The following DNAH2 variants were observed in gnomAD, a reference collection of about 807,000 sequenced individuals.
DNAH2 encodes the protein axonemal beta dynein heavy chain 2.
A neutral mutation model predicts 523.5 loss-of-function variants in DNAH2; 323 were observed. The observed-to-expected ratio is 0.62, with a 90% CI of 0.56 to 0.68. The LOEUF is 0.68. DNAH2 is among the 30% of genes least tolerant of loss of function. The probability of loss-of-function intolerance (pLI) is 0.00; values close to 1 mark genes in which losing one functional copy is unlikely to be tolerated. For synonymous variants in DNAH2, 2,093 were observed against 2,177.4 expected, an observed-to-expected ratio of 0.96 and a Z score of 1.08; for missense variants, 4,907 against 5,701.5, an observed-to-expected ratio of 0.86 and a Z score of 4.49.
rs1304935835 is a variant in DNAH2 at position 7,770,605 on chromosome 17, G to A, written c.4147G>A (p.Val1383Ile). The A allele has an allele frequency of 4.3e-6, 7 of 1,614,140 alleles. No homozygotes were observed. The highest frequency in any genetic ancestry group is 5.9e-6 in the Non-Finnish European group (7 of 1,180,030). ...CTGGGATGTGACTCAGCTCGACATA[G>A]TACCCTACAAGGATAAGGGCCATCA... ...KTWDVTQLDI[V>I]PYKDKGHHRL... Residue 1383 changes from valine (V) to isoleucine (I), a missense_variant, in exon 26 of 86, where the codon GTA becomes ATA. Physicochemically the swap from Val to Ile is conservative, Grantham distance 29. This residue lies in a region of DNAH2 where 2,806 missense variants were observed against 3,190.8 expected (regional missense o/e 0.88). Transcript: ENST00000572933.
Position 7,778,163 on chromosome 17 carries a change from C to T in DNAH2, c.5334C>T (p.Ile1778=), listed in dbSNP as rs757189538. 6 of 1,614,120 alleles carry T rather than the reference C, an allele frequency of 3.7e-6. No individual in the cohort carries two copies. Among genetic ancestry groups the T allele is most frequent in the Non-Finnish European group, 4.2e-6 (5 of 1,180,056 alleles). Residue 1778 remains isoleucine, a synonymous_variant, in exon 34 of 86, where the codon ATC becomes ATT. Transcript: ENST00000572933. ...TGGGTAACTCGGGCCGGCTCGTCATCACCCCCCTGACGGACAGGTCTGCCA... is the reference window on the plus strand; with the variant it reads ...TGGGTAACTCGGGCCGGCTCGTCATTACCCCCCTGACGGACAGGTCTGCCA... ...EYLGNSGRLV[I]TPLTDRCYMT...
At position 7,832,647 on chromosome 17, in the gene DNAH2, G is replaced by GC. The variant is rs2078216095; in HGVS notation, c.12796dup (p.Leu4266ProfsTer53). On this transcript the variant is annotated frameshift_variant, in exon 83 of 86. Transcript: ENST00000572933. LOFTEE classifies it high-confidence loss of function. This position sits in a 1 kb window ranked among gnomAD's most constrained non-coding sequence, Gnocchi z 4.3. ...TGGCCATGCGTGTGGAGCAGTTTGA[G>GC]CTGTGGGCCAGCCGGGCCCGGCCTC... The GC allele has an allele frequency of 6.2e-7, 1 of 1,614,040 alleles. No individual in the cohort carries two copies. Among genetic ancestry groups the GC allele is most frequent in the Non-Finnish European group, 8.5e-7 (1 of 1,180,060 alleles).
At position 7,818,705 on chromosome 17, in the gene DNAH2, G is replaced by C. The variant is rs1423373314; in HGVS notation, c.10599G>C (p.Gln3533His). ...VRKERPELEE[Q>H]KDSLVINIAA... ...AGGAGCGGCCTGAGCTGGAGGAGCA[G>C]AAGGACTCACTGGTCATCAACATCG... The change falls in exon 70 of 86, where the codon CAG (glutamine) becomes CAC (histidine). Residue 3533 changes from glutamine (Q) to histidine (H), a missense_variant. By Grantham distance (24) the Gln-to-His change is conservative. This residue lies in a region of DNAH2 where 1,851 missense variants were observed against 2,139.4 expected (regional missense o/e 0.87). Coordinates refer to ENST00000572933, the MANE Select transcript of DNAH2 (RefSeq NM_020877.5). The C allele has an allele frequency of 6.2e-7, 1 of 1,613,980 alleles. No homozygotes were observed. The highest frequency in any genetic ancestry group is 8.5e-7 in the Non-Finnish European group (1 of 1,180,008).
intron 5 of DNAH2, 102 bp from the exon 6 acceptor site, chr17:7,734,081 G>A (rs1379051066): frequency 9.3e-6 from 9 of 965,482 alleles, no homozygotes; most frequent in Non-Finnish European, 1.5e-6. Flanking sequence ...CTCCTGAAAT[G>A]CATATGCTTC....
intron 12 of DNAH2, 126 bp from the exon 13 acceptor site, chr17:7,756,965 C>G: frequency 7.1e-7 from 1 of 1,402,674 alleles, no homozygotes; most frequent in South Asian, 1.3e-5. Flanking sequence ...GCCACCATAC[C>G]AGGCCTCTGC....
Position 7,779,396 on chromosome 17 carries a change from T to G in DNAH2, c.5695T>G (p.Cys1899Gly). The G allele has an allele frequency of 6.2e-7, 1 of 1,613,926 alleles. No homozygotes were observed. The highest frequency in any genetic ancestry group is 8.5e-7 in the Non-Finnish European group (1 of 1,179,934). ...DGFEINLVWS[C>G]GIFITMNPGY... ...CTTTGAAATAAATCTGGTGTGGTCC[T>G]GTGGGATCTTCATTACCATGAATCC... Residue 1899 changes from cysteine to glycine, a missense_variant, in exon 36 of 86, where the codon TGT becomes GGT. Coordinates refer to ENST00000572933, the MANE Select transcript of DNAH2 (RefSeq NM_020877.5).
At position 7,742,497 on chromosome 17, in the gene DNAH2, AGT is replaced by A. The variant is rs566546595; in HGVS notation, c.1690-429_1690-428del. 4.6e-5 allele frequency among the ~76,000 whole-genome samples: 7 copies of A among 152,312 alleles called. No homozygotes were observed. The East Asian group carries it at 1.4e-3, about 29-fold the overall frequency. On this transcript the variant is annotated intron_variant, in intron 11 of 85. Transcript: ENST00000572933. ...AATAAAGGTTGAAAGCTGTTGAGGT[AGT>A]GACCTGCCATCATGCAGCTGGTGCT... is the stretch of plus-strand genomic sequence containing the variant.
chr17:7,771,218 T>C, intron 27 of DNAH2, 112 bp from the exon 28 acceptor site: 1 of 1,496,726 alleles, frequency 6.7e-7, no homozygotes, highest in Non-Finnish European at 9.1e-7. Context: ...GGCCTTTGAC[T>C]TCTAGCACTC....
In DNAH2 at chr17:7,831,399, T is replaced by C. The variant is rs765600114; in HGVS notation, c.12469T>C (p.Leu4157=). Residue 4157 remains leucine (L), a synonymous_variant, in exon 81 of 86, where the codon TTG becomes CTG. Transcript: ENST00000572933. This position sits in a 1 kb window ranked among gnomAD's most constrained non-coding sequence, Gnocchi z 4.2. ...GQTREEKVLE[L]AADVKQKIPE... ...GCTCCTGCCTGCTCAGGTCCTTGAG[T>C]TGGCCGCTGATGTGAAGCAGAAGAT... 2.1e-5 allele frequency: 34 copies of C among 1,613,804 alleles called. 1 individual carries two copies. The South Asian group carries it at 3.4e-4, about 16-fold the overall frequency.
At position 7,832,542 on chromosome 17, in the gene DNAH2, G is replaced by T. The variant is rs1043510204; in HGVS notation, c.12727-37G>T. The T allele has an allele frequency of 6.2e-7, 1 of 1,600,070 alleles. No homozygotes were observed. The highest frequency in any genetic ancestry group is 1.3e-5 in the African/African-American group (1 of 74,246). ...ATAAATAATACGGATTTGAATGCACGGCTAAATGAGTGAATACACACGCAC... is the reference window on the plus strand; with the variant it reads ...ATAAATAATACGGATTTGAATGCACTGCTAAATGAGTGAATACACACGCAC... On this transcript the variant is annotated intron_variant, in intron 82 of 85. Transcript: ENST00000572933. The surrounding 1 kb of genome is among the most constrained non-coding windows in gnomAD (Gnocchi z 4.3).
chr17:7,804,043 G>A (rs962465362), intron 58 of DNAH2, among the ~76,000 whole-genome samples: 3 of 152,146 alleles, frequency 2.0e-5, no homozygotes, highest in African/African-American at 7.2e-5. Flanking sequence ...CAAACCAGAG[G>A]AATGAGAGCC....
intron 22 of DNAH2, among the ~76,000 whole-genome samples, 159 bp downstream of exon 22, chr17:7,766,640 C>CTT (rs58072098): frequency 0.023 from 1,908 of 84,390 alleles, 133 homozygotes; most frequent in African/African-American, 0.065. Flanking sequence ...AAAATTAATC[C>CTT]TTTTTTTTTT....
intron 12 of DNAH2, among the ~76,000 whole-genome samples, chr17:7,747,783 A>ATGTTATAGGATAC (rs2075558701): frequency 6.6e-6 from 1 of 152,172 alleles, no homozygotes; most frequent in Non-Finnish European, 1.5e-5. Flanking sequence ...GATACTTTAC[A>ATGTTATAGGATAC]TTTTTGTGGT....
rs1567727479 is a variant in DNAH2, at chr17:7,804,255, G to T, written c.8973-1G>T. 1.2e-6 allele frequency: 2 copies of T among 1,614,104 alleles called. No individual in the cohort carries two copies. Among genetic ancestry groups the T allele is most frequent in the Non-Finnish European group, 1.7e-6 (2 of 1,180,004 alleles). On this transcript the variant is annotated splice_acceptor_variant, in intron 58 of 85. Coordinates refer to ENST00000572933, the MANE Select transcript of DNAH2 (RefSeq NM_020877.5). LOFTEE classifies it high-confidence loss of function. ...ACACCCTGTCCTATTCTTTCCCCCA[G>T]GTTGCTGGGAGAAAAACGGCAGGAG...
In DNAH2 at chr17:7,817,269, ACC is replaced by A. The variant is rs767850846; in HGVS notation, c.9895-19_9895-18del. 1 of 1,581,074 alleles carries A rather than the reference ACC, an allele frequency of 6.3e-7. No individual in the cohort carries two copies. ...AGAGTGCTGGGGCCCAGGCAGGCTT[ACC>A]CTCCCTCCTGTCCGCCAGGGCCTGG... is the stretch of plus-strand genomic sequence containing the variant. On this transcript the variant is annotated intron_variant, in intron 64 of 85. Coordinates refer to ENST00000572933, the MANE Select transcript of DNAH2 (RefSeq NM_020877.5).
chr17:7,764,982 A>G (rs1398358246), intron 20 of DNAH2, among the ~76,000 whole-genome samples: 1 of 148,068 alleles, frequency 6.8e-6, no homozygotes, highest in East Asian at 2.0e-4. Flanking sequence ...AGCTGGGACT[A>G]CAGGCACCTC....
At chr17:7,801,017 C>T (rs1029993634) in intron 56 of DNAH2, among the ~76,000 whole-genome samples, 8 of 151,576 alleles carry the variant, frequency 5.3e-5, no homozygotes, top group East Asian at 2.0e-4. Flanking sequence ...GGACTACAAG[C>T]GCATGCCACC....
intron 2 of DNAH2, among the ~76,000 whole-genome samples, chr17:7,722,230 C>T (rs1030805810): frequency 6.6e-6 from 1 of 151,938 alleles, no homozygotes; most frequent in African/African-American, 2.4e-5. Context: ...GTCTCGAACG[C>T]CTGACTTCGG....
intron 12 of DNAH2, 151 bp from the exon 13 acceptor site, chr17:7,756,940 G>A (rs2075857655): frequency 8.5e-7 from 1 of 1,176,150 alleles, no homozygotes; most frequent in South Asian, 1.5e-5. Flanking sequence ...CAAAGTGCTG[G>A]GATTACAGGC....
Sources: gnomAD v4.1 joint callset for allele counts (sites outside exome capture counted in the v4.1 genomes callset) on GRCh38, gnomAD v4.1.1 for gene constraint, gnomAD v4.1.1 regional missense constraint, Gnocchi (gnomAD v3.1) non-coding constraint, MANE v1.5 for transcripts, NCBI Gene and HGNC (gene_info 2026-07-23, HGNC 2026-07-21) for gene names.